Variants in PHOSPHO1 observed in about 807,000 individuals in gnomAD.
PHOSPHO1 encodes phosphoethanolamine/phosphocholine phosphatase 1, also known as phosphoethanolamine/phosphocholine phosphatase.
PHOSPHO1 carries 6 observed loss-of-function variants against 17.7 expected under a neutral mutation model. The ratio of observed to expected loss-of-function variants is 0.34; its 90% confidence interval spans 0.19 to 0.67. The LOEUF (loss-of-function observed/expected upper bound fraction) is 0.67, where lower values mean the gene tolerates loss of function less well. Among genes scored for constraint, PHOSPHO1 ranks in the 30% least tolerant of loss-of-function variants. The probability of loss-of-function intolerance (pLI) is 0.69; values close to 1 mark genes in which losing one functional copy is unlikely to be tolerated. For missense variants in PHOSPHO1, 330 were observed against 392.1 expected, an observed-to-expected ratio of 0.84 and a Z score of 1.34; for synonymous variants, 159 against 174.6, an observed-to-expected ratio of 0.91 and a Z score of 0.71.
At chr17:49,225,441 C>T in intron 2 of PHOSPHO1, 13 of 985,218 alleles carry the variant, frequency 1.3e-5, no homozygotes, top group Non-Finnish European at 1.6e-5. Flanking sequence ...GGAACTCTCC[C>T]CTCCCTCATT....
At position 49,224,712 on chromosome 17, in the gene PHOSPHO1, C is replaced by A. The variant is rs1422111715; in HGVS notation, c.338G>T (p.Gly113Val). The A allele has an allele frequency of 6.3e-7, 1 of 1,595,610 alleles. No homozygotes were observed. Among genetic ancestry groups the A allele is most frequent in the Admixed American group, 1.7e-5 (1 of 57,414 alleles). The change falls in exon 3 of 3, where the codon GGC (glycine) becomes GTC (valine). Residue 113 changes from glycine to valine, a missense_variant. Physicochemically the swap from Gly to Val is moderately radical, Grantham distance 109. Coordinates refer to ENST00000310544, the MANE Select transcript of PHOSPHO1 (RefSeq NM_178500.4). ...SDLLQFVAKQ[G>V]ACFEVILISD... ...GATGAGAATCACCTCGAAGCAGGCG[C>A]CCTGTTTTGCCACAAACTGCAGCAG... is the stretch of plus-strand genomic sequence containing the variant.
chr17:49,227,730 G>C (rs920219683), intron 1 of PHOSPHO1, among the ~76,000 whole-genome samples: 2 of 152,208 alleles, frequency 1.3e-5, no homozygotes, highest in African/African-American at 4.8e-5. Context: ...GCAGGGTACA[G>C]GCTCTAGCAA....
Position 49,230,604 on chromosome 17 carries a change from T to C in PHOSPHO1, c.-204A>G, listed in dbSNP as rs910910126. 2.0e-5 allele frequency: 3 copies of C among 152,258 alleles called. No individual in the cohort carries two copies. The highest frequency in any genetic ancestry group is 4.4e-5 in the Non-Finnish European group (3 of 68,136). 9.4% of individuals were successfully genotyped at this position (152,258 alleles called of 1,614,324 possible). A position where few individuals can be genotyped will look rare whatever the true frequency, so the allele number is the denominator to read the frequency against. On this transcript the variant is annotated 5_prime_UTR_variant, in exon 1 of 3. Transcript: ENST00000310544. ...GAATTGGAGGGGACGCGGTGTCTTA[T>C]CCACCCCCGGATTTCTGGGCTCCGG...
chr17:49,224,886 A>T lies in PHOSPHO1; in HGVS notation c.164T>A (p.Leu55His). Residue 55 changes from leucine to histidine, a missense_variant, in exon 3 of 3, where the codon CTC becomes CAC. Transcript: ENST00000310544. ...SIVRAAPGQR[L>H]PESLRATYRE... ...GTAGGTGGCTCGCAGGCTCTCCGGG[A>T]GCCGCTGGCCCGGCGCGGCGCGCAC... 6 of 1,604,606 alleles carry T rather than the reference A, an allele frequency of 3.7e-6. No individual in the cohort carries two copies. Among genetic ancestry groups the T allele is most frequent in the Non-Finnish European group, 5.1e-6 (6 of 1,176,332 alleles).
chr17:49,229,656 A>G (rs2143574957), intron 1 of PHOSPHO1, among the ~76,000 whole-genome samples: 1 of 152,266 alleles, frequency 6.6e-6, no homozygotes, highest in Non-Finnish European at 1.5e-5. Flanking sequence ...GGACTCCAGA[A>G]AGACCACAGT....
At position 49,224,429 on chromosome 17, in the gene PHOSPHO1, G is replaced by C. The variant is rs757783460; in HGVS notation, c.621C>G (p.Asp207Glu). The change falls in exon 3 of 3, where the codon GAC becomes GAG. Residue 207 changes from aspartate to glutamate, a missense_variant. By Grantham distance (45) the Asp-to-Glu change is conservative (BLOSUM62 2). Transcript: ENST00000310544. Reference protein sequence around the residue: ...RLFYVGDGANDFCPMGLLAGG... With the variant: ...RLFYVGDGANEFCPMGLLAGG... ...CCGCCAGCAGCCCCATGGGGCAGAAGTCGTTGGCGCCGTCGCCCACGTAGA... is the reference window on the plus strand; with the variant it reads ...CCGCCAGCAGCCCCATGGGGCAGAACTCGTTGGCGCCGTCGCCCACGTAGA... 6.4e-7 allele frequency: 1 copy of C among 1,553,786 alleles called. No homozygotes were observed. The highest frequency in any genetic ancestry group is 8.7e-7 in the Non-Finnish European group (1 of 1,151,478).
rs1173094505 is a variant in PHOSPHO1, at chr17:49,224,443, C to T, written c.607G>A (p.Asp203Asn). 6.4e-7 allele frequency: 1 copy of T among 1,555,938 alleles called. No individual in the cohort carries two copies. Among genetic ancestry groups the T allele is most frequent in the Admixed American group, 1.9e-5 (1 of 52,060 alleles). ...VHFERLFYVG[D>N]GANDFCPMGL... is the part of the protein sequence containing the mutation. ...ATGGGGCAGAAGTCGTTGGCGCCGT[C>T]GCCCACGTAGAAGAGGCGCTCGAAG... Residue 203 changes from aspartate to asparagine, a missense_variant, in exon 3 of 3, where the codon GAC becomes AAC. Transcript: ENST00000310544.
Position 49,226,714 on chromosome 17 carries a change from C to A in PHOSPHO1, c.-23G>T, listed in dbSNP as rs749213456. On this transcript the variant is annotated 5_prime_UTR_variant, in exon 2 of 3. Coordinates refer to ENST00000310544, the MANE Select transcript of PHOSPHO1 (RefSeq NM_178500.4). ...CATTGTCGGTGCATTACCGTGAGCA[C>A]CACCTGTAGGGACTCTGTTGGCCTC... is the stretch of plus-strand genomic sequence containing the variant. 74 of 1,614,024 alleles carry A rather than the reference C, an allele frequency of 4.6e-5. No homozygotes were observed. The highest frequency in any genetic ancestry group is 6.1e-5 in the Non-Finnish European group (72 of 1,179,984).
chr17:49,228,151 A>G (rs1428234953), intron 1 of PHOSPHO1, among the ~76,000 whole-genome samples: 1 of 152,104 alleles, frequency 6.6e-6, no homozygotes, highest in Non-Finnish European at 1.5e-5. Context: ...GGTAGATACA[A>G]AGATTCCAAG....
intron 2 of PHOSPHO1, chr17:49,225,229 T>A: frequency 7.0e-7 from 1 of 1,419,588 alleles, no homozygotes; most frequent in African/African-American, 1.4e-5. Flanking sequence ...ACCTCTTAGT[T>A]AACTGCAGTG....
chr17:49,229,228 C>T (rs1216081053), intron 1 of PHOSPHO1: 2 of 152,252 alleles, frequency 1.3e-5, no homozygotes, highest in East Asian at 3.9e-4. Context: ...GAATTTGGCT[C>T]CTGTGATGCT....
At chr17:49,229,912 G>A (rs617182) in intron 1 of PHOSPHO1, among the ~76,000 whole-genome samples, 81,029 of 151,958 alleles carry the variant, frequency 0.53, 22,900 homozygotes, top group African/African-American at 0.72. Context: ...CCTCTTGGGA[G>A]AATTGCAGCT....
chr17:49,224,258 C>G lies in PHOSPHO1; in HGVS notation c.792G>C (p.Leu264=), dbSNP rs781539342. The change falls in exon 3 of 3, where the codon CTG becomes CTC. Residue 264 remains leucine (L), a synonymous_variant. Transcript: ENST00000310544. ...CAGGCGGCCAGACTCAGCACGACTT[C>G]AGCACCTGTTGCAGGTGGAGGCGCA... is the stretch of plus-strand genomic sequence containing the variant. ...ADVRLHLQQV[L]KSC is the part of the protein sequence containing the mutation. The G allele has an allele frequency of 2.5e-6, 4 of 1,583,244 alleles. No individual in the cohort carries two copies. The highest frequency in any genetic ancestry group is 2.2e-5 in the South Asian group (2 of 89,030).
Position 49,224,762 on chromosome 17 carries a change from G to A in PHOSPHO1, c.288C>T (p.Ile96=). Residue 96 remains isoleucine, a synonymous_variant, in exon 3 of 3, where the codon ATC becomes ATT. Transcript: ENST00000310544. ...GGTCGCTCATGCCTGGCGACAAAGG[G>A]ATGGCTTCGTAGATGGCGCTCAGGT... ...PRDLSAIYEA[I]PLSPGMSDLL... 6.3e-7 allele frequency: 1 copy of A among 1,599,824 alleles called. No homozygotes were observed. The highest frequency in any genetic ancestry group is 8.5e-7 in the Non-Finnish European group (1 of 1,173,476).
At position 49,224,196 on chromosome 17, in the gene PHOSPHO1, C is replaced by T; in HGVS notation, c.*50G>A. Reference sequence around the variant, plus strand: ...AAGCTGTCTTTGCCGAATCTCCCTTCCCCGCCCCCTCCGCCGTTGGCCCGG... The same window carrying T: ...AAGCTGTCTTTGCCGAATCTCCCTTTCCCGCCCCCTCCGCCGTTGGCCCGG... On this transcript the variant is annotated 3_prime_UTR_variant, in exon 3 of 3. Coordinates refer to ENST00000310544, the MANE Select transcript of PHOSPHO1 (RefSeq NM_178500.4). 3 of 1,500,668 alleles carry T rather than the reference C, an allele frequency of 2.0e-6. No homozygotes were observed. Among genetic ancestry groups the T allele is most frequent in the Non-Finnish European group, 2.7e-6 (3 of 1,131,292 alleles). 93.0% of individuals were successfully genotyped at this position (1,500,668 alleles called of 1,614,324 possible). A position where few individuals can be genotyped will look rare whatever the true frequency, so the allele number is the denominator to read the frequency against.
chr17:49,226,730 T>C lies in PHOSPHO1; in HGVS notation c.-39A>G, dbSNP rs978833365. On this transcript the variant is annotated 5_prime_UTR_variant, in exon 2 of 3. Transcript: ENST00000310544. ...CCGTGAGCACCACCTGTAGGGACTC[T>C]GTTGGCCTCCAGCCGTCGTCACACG... is the stretch of plus-strand genomic sequence containing the variant. 1.2e-6 allele frequency: 2 copies of C among 1,612,908 alleles called. No individual in the cohort carries two copies. Among genetic ancestry groups the C allele is most frequent in the African/African-American group, 1.3e-5 (1 of 74,920 alleles).
rs2043321302 is a variant in PHOSPHO1 at position 49,223,987 on chromosome 17, G to C, written c.*259C>G. The C allele has an allele frequency of 2.3e-6, 1 of 427,950 alleles. No individual in the cohort carries two copies. Among genetic ancestry groups the C allele is most frequent in the Non-Finnish European group, 4.0e-6 (1 of 250,018 alleles). The allele number at this position is 427,950 out of a possible 1,614,324, so 26.5% of individuals were successfully genotyped here. ...AATACTGCTGCCTTCCAAGGTTTGCGCGCCACCCCGCGATGGGTCAGACTC... is the reference window on the plus strand; with the variant it reads ...AATACTGCTGCCTTCCAAGGTTTGCCCGCCACCCCGCGATGGGTCAGACTC... On this transcript the variant is annotated 3_prime_UTR_variant, in exon 3 of 3. Coordinates refer to ENST00000310544, the MANE Select transcript of PHOSPHO1 (RefSeq NM_178500.4).
At chr17:49,226,922 G>A (rs2043363678) in intron 1 of PHOSPHO1, among the ~76,000 whole-genome samples, 164 bp from the exon 2 acceptor site, 3 of 152,178 alleles carry the variant, frequency 2.0e-5, no homozygotes, top group African/African-American at 4.8e-5. Flanking sequence ...ACTCTAGAGA[G>A]GTTTCAGATG....
At position 49,226,654 on chromosome 17, in the gene PHOSPHO1, A is replaced by G; in HGVS notation, c.38T>C (p.Leu13Pro). The change falls in exon 2 of 3, where the codon CTA becomes CCA. Residue 13 changes from leucine to proline, a missense_variant. Physicochemically the swap from Leu to Pro is moderately conservative, Grantham distance 98. Transcript: ENST00000310544. Reference protein sequence around the residue: ...GCFPVSGLRCLSRDGRMAAQG... With the variant: ...GCFPVSGLRCPSRDGRMAAQG... ...CTGGAGGGACCCACTTACCCTAGAT[A>G]GGCAGCGGAGGCCAGAAACTGGAAA... 4.3e-6 allele frequency: 7 copies of G among 1,614,162 alleles called. No individual in the cohort carries two copies. The highest frequency in any genetic ancestry group is 5.9e-6 in the Non-Finnish European group (7 of 1,180,008).
Sources: gnomAD v4.1 joint callset for allele counts (sites outside exome capture counted in the v4.1 genomes callset) on GRCh38, gnomAD v4.1.1 for gene constraint, MANE v1.5 for transcripts, NCBI Gene and HGNC (gene_info 2026-07-23, HGNC 2026-07-21) for gene names.